PRRC2B: variants seen among roughly 807,000 people sequenced by gnomAD.
The protein encoded by PRRC2B is proline rich coiled-coil 2B, also known as protein PRRC2B.
In PRRC2B, 68 loss-of-function variants were observed where a neutral mutation model predicts 242.3. The observed-to-expected ratio is 0.28, with a 90% CI of 0.23 to 0.34. The LOEUF (loss-of-function observed/expected upper bound fraction) is 0.34, where lower values mean the gene tolerates loss of function less well. Among genes scored for constraint, PRRC2B ranks in the 10% least tolerant of loss-of-function variants. The pLI, the probability that PRRC2B is intolerant of heterozygous loss-of-function variation, is 1.00. For missense variants in PRRC2B, 2,835 were observed against 2,954.8 expected, an observed-to-expected ratio of 0.96 and a Z score of 0.94; for synonymous variants, 1,228 against 1,173.6, an observed-to-expected ratio of 1.05 and a Z score of -0.95.
Position 131,473,679 on chromosome 9 carries a change from C to A in PRRC2B, c.2279C>A (p.Pro760Gln). The A allele has an allele frequency of 1.2e-6, 2 of 1,613,762 alleles. No homozygotes were observed. Among genetic ancestry groups the A allele is most frequent in the Non-Finnish European group, 1.7e-6 (2 of 1,179,866 alleles). The change falls in exon 15 of 32, where the codon CCG (proline) becomes CAG (glutamine). Residue 760 changes from proline (P) to glutamine (Q), a missense_variant. Around this residue, in one of 7 missense-constraint regions of PRRC2B, gnomAD observed 1,536 missense variants for 1,483.1 expected, o/e 1.04. Coordinates refer to ENST00000683519, the MANE Select transcript of PRRC2B (RefSeq NM_013318.4). ...CTGCAGAGCAAGGGCTACCCGCTCC[C>A]GCACCCGAAGTCGAGTGACACCTTG... ...MALQSKGYPL[P>Q]HPKSSDTLAM...
chr9:131,424,203 A>G (rs1204764476), intron 1 of PRRC2B, among the ~76,000 whole-genome samples: 1 of 152,130 alleles, frequency 6.6e-6, no homozygotes, highest in Non-Finnish European at 1.5e-5. Context: ...CAGCTCCCCA[A>G]AGTGCTGGGA....
At chr9:131,401,385 C>T (rs1837222891) in intron 1 of PRRC2B, among the ~76,000 whole-genome samples, 2 of 139,078 alleles carry the variant, frequency 1.4e-5, no homozygotes, top group African/African-American at 5.2e-5. Flanking sequence ...ATTCTTTCTC[C>T]TTTTTTTTTT....
In PRRC2B at chr9:131,446,545, C is replaced by A; in HGVS notation, c.758C>A (p.Pro253His). 1 of 1,613,878 alleles carries A rather than the reference C, an allele frequency of 6.2e-7. No individual in the cohort carries two copies. The highest frequency in any genetic ancestry group is 8.5e-7 in the Non-Finnish European group (1 of 1,179,852). The change falls in exon 7 of 32, where the codon CCC (proline) becomes CAC (histidine). Residue 253 changes from proline to histidine, a missense_variant. By Grantham distance (77) the Pro-to-His change is moderately conservative (BLOSUM62 -2). Transcript: ENST00000683519. The surrounding 1 kb of genome is among the most constrained non-coding windows in gnomAD (Gnocchi z 4.1). ...SSACTSDSKD[P>H]SLRPAQPVRK... The stretch of plus-strand genomic sequence containing the variant: ...GCATGTACCAGCGATTCTAAGGACC[C>A]CTCTCTCCGCCCGGCTCAGCCTGTC...
chr9:131,432,848 G>C, intron 3 of PRRC2B, 54 bp downstream of exon 3: 1 of 1,581,488 alleles, frequency 6.3e-7, no homozygotes. Context: ...GGGTGGTCCC[G>C]GCATCCTTCC....
rs1328321006 is a variant in PRRC2B, at chr9:131,498,049, CAAAAG to C, written c.*2179_*2183del. On this transcript the variant is annotated 3_prime_UTR_variant, in exon 32 of 32. Coordinates refer to ENST00000683519, the MANE Select transcript of PRRC2B (RefSeq NM_013318.4). ...TGATGCGGTGGTGCGTGTGATTTGT[CAAAAG>C]AAAGCCTTCTGGATGCTGTTAAGAT... The C allele has an allele frequency of 6.6e-6, 1 of 152,218 alleles. No homozygotes were observed. Among genetic ancestry groups the C allele is most frequent in the African/African-American group, 2.4e-5 (1 of 41,530 alleles). 9.4% of individuals were successfully genotyped at this position (152,218 alleles called of 1,614,324 possible).
At chr9:131,480,690 A>G (rs1443634768) in intron 19 of PRRC2B, among the ~76,000 whole-genome samples, 6 of 151,740 alleles carry the variant, frequency 4.0e-5, no homozygotes, top group Admixed American at 2.6e-4. Flanking sequence ...GGTTCAAGCA[A>G]TCCTTCTGCC....
chr9:131,489,438 C>A (rs1944121870), intron 28 of PRRC2B, among the ~76,000 whole-genome samples: 1 of 152,120 alleles, frequency 6.6e-6, no homozygotes. Context: ...ACCTTGGCCT[C>A]CCAAAGTGCT....
intron 10 of PRRC2B, among the ~76,000 whole-genome samples, chr9:131,456,767 C>T (rs1457252836): frequency 6.6e-6 from 1 of 152,174 alleles, no homozygotes; most frequent in Non-Finnish European, 1.5e-5. Flanking sequence ...GATTGCACCA[C>T]TGCACTCCAG....
At chr9:131,412,739 C>T (rs1447990605) in intron 1 of PRRC2B, among the ~76,000 whole-genome samples, 1 of 150,844 alleles carries the variant, frequency 6.6e-6, no homozygotes, top group African/African-American at 2.4e-5. Context: ...CAAACTCATT[C>T]TGAAATTTAT....
chr9:131,374,499 T>A (rs943113306), intron 1 of PRRC2B, among the ~76,000 whole-genome samples: 2 of 152,122 alleles, frequency 1.3e-5, no homozygotes, highest in African/African-American at 4.8e-5. Flanking sequence ...GTATAATGCA[T>A]ATTGTAAAGT....
Position 131,495,723 on chromosome 9 carries a change from C to T in PRRC2B, c.6556-17C>T, listed in dbSNP as rs1293903398. The T allele has an allele frequency of 2.5e-5, 40 of 1,592,896 alleles. 1 individual carries two copies. The highest frequency in any genetic ancestry group is 3.4e-5 in the Non-Finnish European group (40 of 1,162,472). ...AGCGTCAGGGTCACTTTGTTTTTCCCATTCATCTGTCCAAAGGCAAAACAA... is the reference window on the plus strand; with the variant it reads ...AGCGTCAGGGTCACTTTGTTTTTCCTATTCATCTGTCCAAAGGCAAAACAA... On this transcript the variant is annotated splice_polypyrimidine_tract_variant and intron_variant, in intron 31 of 31. Coordinates refer to ENST00000683519, the MANE Select transcript of PRRC2B (RefSeq NM_013318.4).
chr9:131,444,562 C>G (rs1336578376), intron 6 of PRRC2B, among the ~76,000 whole-genome samples: 1 of 152,164 alleles, frequency 6.6e-6, no homozygotes, highest in African/African-American at 2.4e-5. Flanking sequence ...CCCTCCCCCT[C>G]TGTCATCCGG....
In PRRC2B at chr9:131,446,451, T is replaced by C; in HGVS notation, c.664T>C (p.Ser222Pro). The change falls in exon 7 of 32, where the codon TCT becomes CCT. Residue 222 changes from serine to proline, a missense_variant. By Grantham distance (74) the Ser-to-Pro change is moderately conservative. Coordinates refer to ENST00000683519, the MANE Select transcript of PRRC2B (RefSeq NM_013318.4). This position sits in a 1 kb window ranked among gnomAD's most constrained non-coding sequence, Gnocchi z 4.1. ...GGGRHIISAT[S>P]LSTSPTELGS... ...TGGGCGACACATAATTTCTGCCACG[T>C]CTCTGAGCACCTCCCCAACTGAGCT... 2 of 1,613,744 alleles carry C rather than the reference T, an allele frequency of 1.2e-6. No homozygotes were observed. The highest frequency in any genetic ancestry group is 1.7e-5 in the Admixed American group (1 of 59,974).
chr9:131,484,960 C>A lies in PRRC2B; in HGVS notation c.5578C>A (p.Arg1860Ser). Residue 1860 changes from arginine to serine, a missense_variant, in exon 25 of 32, where the codon CGC becomes AGC. By Grantham distance (110) the Arg-to-Ser change is moderately radical (BLOSUM62 -1). This residue lies in a region of PRRC2B where 574 missense variants were observed against 626.0 expected (regional missense o/e 0.92). Transcript: ENST00000683519. Reference protein sequence around the residue: ...ADLTLKMESARKAWENSPSLP... With the variant: ...ADLTLKMESASKAWENSPSLP... ...CTTGCTTCTGAAGATGGAGTCTGCG[C>A]GCAAGGCTTGGGAAAACTCCCCCAG... The A allele has an allele frequency of 6.2e-7, 1 of 1,612,344 alleles. No individual in the cohort carries two copies. The highest frequency in any genetic ancestry group is 8.5e-7 in the Non-Finnish European group (1 of 1,178,782).
At chr9:131,459,399 G>C (rs1027185953) in intron 11 of PRRC2B, 43 bp downstream of exon 11, 2 of 1,525,224 alleles carry the variant, frequency 1.3e-6, no homozygotes, top group Non-Finnish European at 1.8e-6. Context: ...GTACTTCATT[G>C]AGTTGGGTGG....
rs144619979 is a variant in PRRC2B at position 131,400,235 on chromosome 9, G to A, written c.-52+5972G>A. ...AGTAGCTGGGATCCTATAGGCATGC[G>A]CCACCATGCCTGACTAAGTTTTGTA... On this transcript the variant is annotated intron_variant, in intron 1 of 31. Transcript: ENST00000683519. Among the ~76,000 whole-genome samples the A allele has an allele frequency of 2.1e-4, 32 of 152,132 alleles. No individual in the cohort carries two copies. The Middle Eastern group carries it at 0.014, about 65-fold the overall frequency.
chr9:131,479,459 T>C (rs752555182), intron 19 of PRRC2B, 66 bp downstream of exon 19: 17 of 1,508,454 alleles, frequency 1.1e-5, no homozygotes, highest in Non-Finnish European at 1.5e-5. Context: ...GGTTTGCTTC[T>C]GGGGAGGATC....
Position 131,492,157 on chromosome 9 carries a change from T to G in PRRC2B, c.6382-12T>G. On this transcript the variant is annotated splice_polypyrimidine_tract_variant and intron_variant, in intron 29 of 31. Transcript: ENST00000683519. ...CCTCAAATGACAGCTTGTTCCTGCT[T>G]GGTCTCTCTAGCCCTCTCAGATGGA... 6.2e-7 allele frequency: 1 copy of G among 1,609,522 alleles called. No homozygotes were observed. Among genetic ancestry groups the G allele is most frequent in the East Asian group, 2.2e-5 (1 of 44,870 alleles).
chr9:131,429,730 A>AT (rs1564281094), intron 1 of PRRC2B, among the ~76,000 whole-genome samples: 2 of 151,558 alleles, frequency 1.3e-5, no homozygotes, highest in African/African-American at 4.9e-5. Flanking sequence ...CTGAGCATTT[A>AT]TTTTTCCATC....
Sources: allele counts gnomAD v4.1 joint callset (sites outside exome capture counted in the v4.1 genomes callset), GRCh38; gene constraint gnomAD v4.1.1; regional missense constraint gnomAD v4.1.1; non-coding constraint Gnocchi (gnomAD v3.1); transcripts MANE v1.5; gene names NCBI Gene and HGNC (gene_info 2026-07-23, HGNC 2026-07-21).